Variants in RAD54L2 observed in about 807,000 individuals in gnomAD.
The protein encoded by RAD54L2 is RAD54 like 2, also known as helicase ARIP4.
A neutral mutation model predicts 138.4 loss-of-function variants in RAD54L2; 27 were observed. The observed-to-expected ratio is 0.20, with a 90% CI of 0.14 to 0.27. The LOEUF is 0.27. RAD54L2 is among the 10% of genes least tolerant of loss of function. The probability of loss-of-function intolerance (pLI) is 1.00; values close to 1 mark genes in which losing one functional copy is unlikely to be tolerated. For missense variants in RAD54L2, 1,396 were observed against 1,890.2 expected, an observed-to-expected ratio of 0.74 and a Z score of 4.85; for synonymous variants, 644 against 723.2, an observed-to-expected ratio of 0.89 and a Z score of 1.76.
At chr3:51,547,156 G>GGGGC (rs1698718466) in intron 2 of RAD54L2, among the ~76,000 whole-genome samples, 1 of 152,094 alleles carries the variant, frequency 6.6e-6, no homozygotes, top group Non-Finnish European at 1.5e-5. Context: ...AGACTAGCCT[G>GGGGC]GGGCGACATG....
At chr3:51,625,551 C>T (rs951156394) in intron 3 of RAD54L2, among the ~76,000 whole-genome samples, 1 of 152,042 alleles carries the variant, frequency 6.6e-6, no homozygotes, top group East Asian at 1.9e-4. Context: ...TAAGACCCAC[C>T]GATGAACATT....
rs772837084 is a variant in RAD54L2 at position 51,663,376 on chromosome 3, G to A, written c.4360G>A (p.Asp1454Asn). 1 of 1,613,832 alleles carries A rather than the reference G, an allele frequency of 6.2e-7. No individual in the cohort carries two copies. The highest frequency in any genetic ancestry group is 1.3e-5 in the African/African-American group (1 of 74,974). ...CGAGGTTGGGTTCAGCTCCAATGAT[G>A]ATGAGGATAAAGACGATGATGTGAT... is the stretch of plus-strand genomic sequence containing the variant. ...VAEVGFSSND[D>N]EDKDDDVIEV... is the part of the protein sequence containing the mutation. Residue 1454 changes from aspartate (D) to asparagine (N), a missense_variant, in exon 23 of 23, where the codon GAT (aspartate) becomes AAT (asparagine). Asp to Asn is a conservative substitution (Grantham distance 23). Transcript: ENST00000684192.
At chr3:51,593,958 C>T (rs1699896967) in intron 3 of RAD54L2, among the ~76,000 whole-genome samples, 1 of 150,872 alleles carries the variant, frequency 6.6e-6, no homozygotes, top group African/African-American at 2.4e-5. Context: ...GATTTTTTTT[C>T]TATATAAGCA....
intron 3 of RAD54L2, among the ~76,000 whole-genome samples, chr3:51,592,277 G>C (rs1699856207): frequency 6.6e-6 from 1 of 151,800 alleles, no homozygotes; most frequent in Non-Finnish European, 1.5e-5. Flanking sequence ...TGGTTAGGCT[G>C]TTCTCGAACT....
At chr3:51,598,149 ATGTGTGTG>A (rs778223606) in intron 3 of RAD54L2, among the ~76,000 whole-genome samples, 5 of 128,442 alleles carry the variant, frequency 3.9e-5, no homozygotes, top group Admixed American at 1.6e-4. Flanking sequence ...GTATATATAT[ATGTGTGTG>A]TGTGTGTGTG....
intron 2 of RAD54L2, among the ~76,000 whole-genome samples, chr3:51,557,180 CTTTTTTTTTTTTTTTTT>C (rs58428110): frequency 3.5e-5 from 4 of 113,330 alleles, no homozygotes; most frequent in Admixed American, 2.1e-4. Flanking sequence ...TTGTTGTTGG[CTTTTTTTTTTTTTTTTT>C]TTTTTTTTTT....
chr3:51,547,574 CTTT>C (rs1224015910), intron 2 of RAD54L2, among the ~76,000 whole-genome samples: 5 of 134,042 alleles, frequency 3.7e-5, no homozygotes, highest in Admixed American at 7.5e-5. Context: ...TTATAAAACA[CTTT>C]TTTTTTTTTT....
At chr3:51,660,875 C>T (rs955012892) in intron 22 of RAD54L2, among the ~76,000 whole-genome samples, 5 of 151,532 alleles carry the variant, frequency 3.3e-5, no homozygotes, top group African/African-American at 9.7e-5. Context: ...CTGCCTCGGC[C>T]TCCCAAAGTG....
chr3:51,550,329 C>T (rs1350064986), intron 2 of RAD54L2, among the ~76,000 whole-genome samples: 1 of 152,226 alleles, frequency 6.6e-6, no homozygotes, highest in Non-Finnish European at 1.5e-5. Flanking sequence ...ATACTTTCGT[C>T]ATCCAGTCTG....
At position 51,648,958 on chromosome 3, in the gene RAD54L2, G is replaced by A. The variant is rs908775942; in HGVS notation, c.3026+2477G>A. On this transcript the variant is annotated intron_variant, in intron 19 of 22. Coordinates refer to ENST00000684192, the MANE Select transcript of RAD54L2 (RefSeq NM_015106.4). ...AAGCTGGACGGAGAATGACTTTGAC[G>A]AGTTGACAGAAGCAGGCTTCTGAAG... 9.2e-5 allele frequency among the ~76,000 whole-genome samples: 14 copies of A among 152,214 alleles called. 1 individual carries two copies. The highest frequency in any genetic ancestry group is 6.2e-4 in the South Asian group (3 of 4,808).
chr3:51,572,199 A>C (rs569245926), intron 2 of RAD54L2, among the ~76,000 whole-genome samples: 1 of 152,324 alleles, frequency 6.6e-6, no homozygotes, highest in South Asian at 2.1e-4. Context: ...CAATAATCTA[A>C]GCACTTTGGG....
chr3:51,639,396 C>T (rs2106814387), intron 12 of RAD54L2, 23 bp from the exon 13 acceptor site: 1 of 1,612,040 alleles, frequency 6.2e-7, no homozygotes, highest in East Asian at 2.2e-5. Flanking sequence ...CCTGTGTCTC[C>T]TCTCCCTTTC....
At chr3:51,588,140 C>T (rs1428800178) in intron 2 of RAD54L2, among the ~76,000 whole-genome samples, 2 of 140,862 alleles carry the variant, frequency 1.4e-5, no homozygotes, top group African/African-American at 2.7e-5. Flanking sequence ...AAGCCAAGAT[C>T]GCACCACTGC....
At chr3:51,640,924 G>A (rs1213367936) in intron 14 of RAD54L2, among the ~76,000 whole-genome samples, 1 of 152,138 alleles carries the variant, frequency 6.6e-6, no homozygotes, top group African/African-American at 2.4e-5. Flanking sequence ...GTAAGTATGT[G>A]GATGACTCTG....
intron 19 of RAD54L2, among the ~76,000 whole-genome samples, chr3:51,653,403 C>A (rs1402584000): frequency 2.6e-5 from 4 of 152,160 alleles, no homozygotes; most frequent in African/African-American, 9.7e-5. Flanking sequence ...ACTAGAAATA[C>A]CATTTGACCC....
At chr3:51,611,833 G>A (rs1047926509) in intron 3 of RAD54L2, among the ~76,000 whole-genome samples, 1 of 152,050 alleles carries the variant, frequency 6.6e-6, no homozygotes, top group African/African-American at 2.4e-5. Context: ...TGGGATTACA[G>A]GTGTGAGCCA....
chr3:51,664,183 A>T lies in RAD54L2; in HGVS notation c.*763A>T, dbSNP rs1701864937. 1.3e-5 allele frequency: 2 copies of T among 152,224 alleles called. No individual in the cohort carries two copies. The highest frequency in any genetic ancestry group is 4.8e-5 in the African/African-American group (2 of 41,458). 9.4% of individuals were successfully genotyped at this position (152,224 alleles called of 1,614,324 possible). A position where few individuals can be genotyped will look rare whatever the true frequency, so the allele number is the denominator to read the frequency against. On this transcript the variant is annotated 3_prime_UTR_variant, in exon 23 of 23. Coordinates refer to ENST00000684192, the MANE Select transcript of RAD54L2 (RefSeq NM_015106.4). Reference sequence around the variant, plus strand: ...GATGGGTGAAGAGAAGGCCCAGCTAACTCAAGTCCCTGGTATTCAGAGCCA... The same window carrying T: ...GATGGGTGAAGAGAAGGCCCAGCTATCTCAAGTCCCTGGTATTCAGAGCCA...
intron 7 of RAD54L2, among the ~76,000 whole-genome samples, chr3:51,631,285 G>T (rs953093591): frequency 1.3e-5 from 2 of 152,174 alleles, no homozygotes; most frequent in Non-Finnish European, 2.9e-5. Context: ...TAGAAGAGAT[G>T]TGAGAGTCAG....
chr3:51,573,285 T>C (rs1699382748), intron 2 of RAD54L2, among the ~76,000 whole-genome samples: 1 of 152,116 alleles, frequency 6.6e-6, no homozygotes, highest in Non-Finnish European at 1.5e-5. Flanking sequence ...TAGTTCCTGC[T>C]GTGCTCAGAG....
Sources: gnomAD v4.1 joint callset for allele counts (sites outside exome capture counted in the v4.1 genomes callset) on GRCh38, gnomAD v4.1.1 for gene constraint, MANE v1.5 for transcripts, NCBI Gene and HGNC (gene_info 2026-07-23, HGNC 2026-07-21) for gene names.